The following CT45A1 variants were observed in gnomAD, a reference collection of about 807,000 sequenced individuals.
The protein encoded by CT45A1 is cancer/testis antigen 45-1.
upstream of CT45A1, chrX:135,710,488 C>G (rs2087928333): frequency 8.9e-6 from 1 of 112,086 alleles, no homozygotes; most frequent in South Asian, 3.7e-4. Flanking sequence ...CTATTGTAAT[C>G]CACATACCAA....
At chrX:135,713,218 T>G (rs190754638), upstream of CT45A1, among the ~76,000 whole-genome samples, 12,071 of 87,434 alleles carry the variant, frequency 0.14, 733 homozygotes, top group Non-Finnish European at 0.19. Context: ...TTGTGTGTGT[T>G]TTTTTTTTTT....
upstream of CT45A1, among the ~76,000 whole-genome samples, chrX:135,710,942 T>C (rs1400227783): frequency 8.9e-6 from 1 of 112,136 alleles, no homozygotes; most frequent in Admixed American, 9.4e-5. Flanking sequence ...GGACACAGCC[T>C]ATGCATGGTA....
chrX:135,717,258 A>G (rs782097201), intron 1 of CT45A1, among the ~76,000 whole-genome samples: 1 of 111,890 alleles, frequency 8.9e-6, no homozygotes, highest in Non-Finnish European at 1.9e-5. Flanking sequence ...TCTTTTAATA[A>G]TGTCTTCCAG....
chrX:135,708,947 C>A (rs1603077551), upstream of CT45A1, among the ~76,000 whole-genome samples: 1 of 110,871 alleles, frequency 9.0e-6, no homozygotes, highest in East Asian at 2.8e-4. Context: ...TCCCTAAGGA[C>A]TCGTTTAGGA....
At chrX:135,715,459 T>TACTTATATATAATACTTATATATATAAG (rs2087977611) in intron 1 of CT45A1, among the ~76,000 whole-genome samples, 1 of 81,512 alleles carries the variant, frequency 1.2e-5, no homozygotes, top group Non-Finnish European at 2.2e-5. Flanking sequence ...ATATATATAA[T>TACTTATATATAATACTTATATATATAAG]ACTTATATAT....
At chrX:135,716,945 C>T (rs2087992414) in intron 1 of CT45A1, among the ~76,000 whole-genome samples, 1 of 111,368 alleles carries the variant, frequency 9.0e-6, no homozygotes, top group Admixed American at 9.6e-5. Flanking sequence ...CCTCTGTGTC[C>T]TCTTCCCTTG....
chrX:135,718,433 T>C (rs1458684522), intron 1 of CT45A1, among the ~76,000 whole-genome samples: 45 of 110,617 alleles, frequency 4.1e-4, no homozygotes, highest in Non-Finnish European at 7.9e-4. Flanking sequence ...AATCTTCTAA[T>C]AAGAGTTCCT....
intron 2 of CT45A1, among the ~76,000 whole-genome samples, chrX:135,719,650 TTCTTC>T (rs1285521783): frequency 1.1e-5 from 1 of 92,608 alleles, no homozygotes; most frequent in Non-Finnish European, 2.3e-5. Context: ...ACATTTCTTT[TTCTTC>T]TCTTCTCTAA....
At chrX:135,714,163 C>G (rs782251703) in intron 1 of CT45A1, among the ~76,000 whole-genome samples, 1 of 109,205 alleles carries the variant, frequency 9.2e-6, no homozygotes, top group Non-Finnish European at 1.9e-5. Flanking sequence ...CCTGTGGGAT[C>G]GCTGACGGGG....
intron 1 of CT45A1, among the ~76,000 whole-genome samples, chrX:135,714,623 C>T (rs1456641828): frequency 9.0e-6 from 1 of 111,136 alleles, no homozygotes; most frequent in Non-Finnish European, 1.9e-5. Flanking sequence ...TTCGAACACT[C>T]GCTGTACAGT....
chrX:135,712,368 G>T (rs1556569865), upstream of CT45A1, among the ~76,000 whole-genome samples: 1 of 106,745 alleles, frequency 9.4e-6, no homozygotes, highest in South Asian at 4.2e-4. Flanking sequence ...TCACCATGCT[G>T]CCCAGGCCAC....
chrX:135,709,294 T>C (rs1209083303), upstream of CT45A1, among the ~76,000 whole-genome samples: 2 of 112,367 alleles, frequency 1.8e-5, no homozygotes, highest in East Asian at 2.8e-4. Context: ...CCTGGCTAAT[T>C]GTTTGCATTT....
At chrX:135,715,587 G>T (rs28751104) in intron 1 of CT45A1, among the ~76,000 whole-genome samples, 9 of 53,473 alleles carry the variant, frequency 1.7e-4, no homozygotes, top group Admixed American at 5.2e-4. Flanking sequence ...AATACTTATA[G>T]GTATATAATA....
At chrX:135,715,665 ATATATAATACTTATATG>A (rs1373339468) in intron 1 of CT45A1, among the ~76,000 whole-genome samples, 3 of 99,955 alleles carry the variant, frequency 3.0e-5, no homozygotes, top group Non-Finnish European at 5.9e-5. Context: ...TAATACTTAT[ATATATAATACTTATATG>A]TATATAATAC....
chrX:135,709,552 G>A (rs1485012635), upstream of CT45A1, among the ~76,000 whole-genome samples: 1 of 112,772 alleles, frequency 8.9e-6, no homozygotes, highest in Non-Finnish European at 1.9e-5. Flanking sequence ...ACAGGCGTGA[G>A]CCACTGTGTC....
At chrX:135,709,839 G>A (rs1206932738), upstream of CT45A1, among the ~76,000 whole-genome samples, 1 of 111,494 alleles carries the variant, frequency 9.0e-6, no homozygotes, top group Admixed American at 9.6e-5. Context: ...TTATACCCAA[G>A]TGAGAAAACT....
chrX:135,718,401 ATGT>A (rs1410547301), intron 1 of CT45A1, among the ~76,000 whole-genome samples: 2 of 110,449 alleles, frequency 1.8e-5, no homozygotes, highest in Non-Finnish European at 3.8e-5. Flanking sequence ...TCCTTGTCAG[ATGT>A]TGTTATCAGT....
At chrX:135,708,913 G>C (rs1237623390), upstream of CT45A1, among the ~76,000 whole-genome samples, 1 of 110,823 alleles carries the variant, frequency 9.0e-6, no homozygotes, top group Non-Finnish European at 1.9e-5. Context: ...TGTTACATCT[G>C]GTTTAAGAGA....
chrX:135,713,365 GC>G (rs2087951005), upstream of CT45A1: 1 of 218,627 alleles, frequency 4.6e-6, no homozygotes, highest in Non-Finnish European at 6.4e-6. Context: ...TGTAGAGGGC[GC>G]CAGTCAGCGA....
Sources: allele counts gnomAD v4.1 joint callset (sites outside exome capture counted in the v4.1 genomes callset), GRCh38; gene constraint gnomAD v4.1.1; transcripts MANE v1.5; gene names NCBI Gene and HGNC (gene_info 2026-07-23, HGNC 2026-07-21).